Variants in EIF4G3 observed in about 807,000 individuals in gnomAD.
The protein encoded by EIF4G3 is eIF-4-gamma 3.
In EIF4G3, 34 loss-of-function variants were observed where a neutral mutation model predicts 186.4. The ratio of observed to expected loss-of-function variants is 0.18; its 90% CI spans 0.14 to 0.24. EIF4G3 has a LOEUF of 0.24. Among genes scored for constraint, EIF4G3 ranks in the 10% least tolerant of loss-of-function variants. The pLI, the probability that EIF4G3 is intolerant of heterozygous loss-of-function variation, is 1.00. For synonymous variants in EIF4G3, 673 were observed against 679.5 expected (o/e 0.99, Z 0.15); for missense variants, 1,536 against 1,948.5 (o/e 0.79, Z 3.99).
chr1:21,114,727 T>G (rs2096787487), intron 2 of EIF4G3, among the ~76,000 whole-genome samples: 1 of 152,282 alleles, frequency 6.6e-6, no homozygotes, highest in South Asian at 2.1e-4. Context: ...AAAAAATTTT[T>G]TTTGCTGTTT....
chr1:21,108,864 CT>C (rs2096663876), intron 2 of EIF4G3, among the ~76,000 whole-genome samples: 1 of 128,400 alleles, frequency 7.8e-6, no homozygotes, highest in African/African-American at 3.1e-5. Context: ...GATCGCGCCA[CT>C]GCACTCCAGA....
chr1:20,979,467 T>C (rs1570226229), intron 10 of EIF4G3, among the ~76,000 whole-genome samples: 1 of 152,190 alleles, frequency 6.6e-6, no homozygotes, highest in Non-Finnish European at 1.5e-5. Flanking sequence ...ATCTCTACTT[T>C]CATGGAAATT....
intron 4 of EIF4G3, among the ~76,000 whole-genome samples, chr1:21,015,868 A>C: frequency 6.6e-6 from 1 of 152,230 alleles, no homozygotes; most frequent in Middle Eastern, 3.4e-3. Flanking sequence ...TGAAATTAAT[A>C]AGCTGAGAAA....
chr1:20,898,222 G>T (rs1446098580), intron 16 of EIF4G3, among the ~76,000 whole-genome samples: 1 of 152,154 alleles, frequency 6.6e-6, no homozygotes, highest in Non-Finnish European at 1.5e-5. Flanking sequence ...TATCAAAGTG[G>T]TAAGGGCTGG....
At chr1:21,137,338 G>A (rs775525920) in intron 2 of EIF4G3, among the ~76,000 whole-genome samples, 1 of 151,822 alleles carries the variant, frequency 6.6e-6, no homozygotes, top group Non-Finnish European at 1.5e-5. Flanking sequence ...TAGAGACGAG[G>A]TCTCACTACA....
intron 2 of EIF4G3, among the ~76,000 whole-genome samples, chr1:21,165,656 T>C (rs1272272356): frequency 1.3e-5 from 2 of 152,146 alleles, no homozygotes; most frequent in Admixed American, 6.6e-5. Context: ...AGACTTGGAC[T>C]TGCCTAGGGC....
At chr1:21,007,681 AATAT>A (rs1205951701) in intron 4 of EIF4G3, among the ~76,000 whole-genome samples, 1 of 151,860 alleles carries the variant, frequency 6.6e-6, no homozygotes, top group East Asian at 1.9e-4. Context: ...TGTCCATAAT[AATAT>A]TAAGTGACAA....
At chr1:21,107,272 T>C (rs933690753) in intron 2 of EIF4G3, among the ~76,000 whole-genome samples, 3 of 152,140 alleles carry the variant, frequency 2.0e-5, no homozygotes, top group Admixed American at 1.3e-4. Flanking sequence ...TGCCTCTTAA[T>C]TCAAGCAATT....
chr1:21,176,473 A>T, intron 1 of EIF4G3, 115 bp from the exon 2 acceptor site: 1 of 125,848 alleles, frequency 7.9e-6, no homozygotes, highest in Non-Finnish European at 1.7e-5. Flanking sequence ...GGGGGGCGGG[A>T]TGGGGGCAGA....
At chr1:20,922,094 G>C (rs1283296071) in intron 14 of EIF4G3, among the ~76,000 whole-genome samples, 1 of 152,070 alleles carries the variant, frequency 6.6e-6, no homozygotes, top group Admixed American at 6.6e-5. Flanking sequence ...GCCTATATTC[G>C]TATCAGTCTC....
chr1:20,954,518 G>C (rs1381208704), intron 12 of EIF4G3, among the ~76,000 whole-genome samples: 2 of 115,098 alleles, frequency 1.7e-5, no homozygotes, highest in Non-Finnish European at 1.7e-5. Flanking sequence ...CCTGGCGAGA[G>C]AGTCAGACCC....
intron 21 of EIF4G3, 34 bp downstream of exon 21, chr1:20,865,082 T>G: frequency 6.2e-7 from 1 of 1,611,746 alleles, no homozygotes; most frequent in East Asian, 2.2e-5. Context: ...GTGCTCAAAG[T>G]GTACAAGCAC....
intron 2 of EIF4G3, chr1:21,175,368 T>C (rs1370787271): frequency 6.6e-6 from 1 of 152,190 alleles, no homozygotes; most frequent in Non-Finnish European, 1.5e-5. Flanking sequence ...TACTAGACTT[T>C]CCTCCAGAAG....
Position 20,827,624 on chromosome 1 carries a change from T to C in EIF4G3, c.4262A>G (p.Lys1421Arg), listed in dbSNP as rs968900083. 1 of 1,604,108 alleles carries C rather than the reference T, an allele frequency of 6.2e-7. No homozygotes were observed. Among genetic ancestry groups the C allele is most frequent in the Admixed American group, 1.7e-5 (1 of 59,958 alleles). Residue 1421 changes from lysine to arginine, a missense_variant, in exon 32 of 37, where the codon AAA becomes AGA. Around this residue, in one of 11 missense-constraint regions of EIF4G3, gnomAD observed 395 missense variants for 498.9 expected, o/e 0.79. Coordinates refer to ENST00000602326, the MANE Select transcript of EIF4G3 (RefSeq NM_001391906.1). ...ACTCAGTGTAACACTCACCATTTGT[T>C]TGCATAGTAGGTGCAATATTTCAGA... Reference protein sequence around the residue: ...LLSEILHLLCKQMSHKKVGAL... With the variant: ...LLSEILHLLCRQMSHKKVGAL...
At chr1:20,957,522 C>CA (rs11366654) in intron 12 of EIF4G3, among the ~76,000 whole-genome samples, 4,348 of 117,728 alleles carry the variant, frequency 0.037, 66 homozygotes, top group Middle Eastern at 0.052. Flanking sequence ...GACTCTGTCT[C>CA]AAAAAAAAAA....
chr1:21,111,643 T>C (rs187246498), intron 2 of EIF4G3: 2 of 254,400 alleles, frequency 7.9e-6, no homozygotes, highest in African/African-American at 4.4e-5. Context: ...GCATGTGAGA[T>C]AGATATATAC....
In EIF4G3 at chr1:20,984,040, A is replaced by C. The variant is rs76487643; in HGVS notation, c.178-1632T>G. 4.0e-3 allele frequency among the ~76,000 whole-genome samples: 603 copies of C among 152,362 alleles called. 6 individuals are homozygous for C. Among genetic ancestry groups the C allele is most frequent in the African/African-American group, 0.014 (566 of 41,586 alleles). ...ATCTTATTCAATGAGGTTTCTGAAC[A>C]GTATGAAACTAATTTCCTCAGTAAC... On this transcript the variant is annotated intron_variant, in intron 7 of 36. Transcript: ENST00000602326.
intron 6 of EIF4G3, among the ~76,000 whole-genome samples, chr1:20,997,917 TAAA>T (rs71714195): frequency 7.2e-6 from 1 of 138,098 alleles, no homozygotes. Flanking sequence ...TAGGATTATT[TAAA>T]AAAAAAAAAA....
At chr1:21,037,302 A>C (rs1352180757) in intron 4 of EIF4G3, among the ~76,000 whole-genome samples, 1 of 152,012 alleles carries the variant, frequency 6.6e-6, no homozygotes, top group Non-Finnish European at 1.5e-5. Flanking sequence ...AAAAAGTGAC[A>C]CTTCTGGAAA....
Sources: allele counts gnomAD v4.1 joint callset (sites outside exome capture counted in the v4.1 genomes callset), GRCh38; gene constraint gnomAD v4.1.1; regional missense constraint gnomAD v4.1.1; transcripts MANE v1.5; gene names NCBI Gene and HGNC (gene_info 2026-07-23, HGNC 2026-07-21).